The following CCDC117 variants were observed in gnomAD, a reference collection of about 807,000 sequenced individuals.
CCDC117 encodes coiled-coil domain-containing protein 117.
CCDC117 carries 1 observed loss-of-function variant against 23.5 expected under a neutral mutation model. That is an observed-to-expected ratio of 0.04 (90% CI 0.02 to 0.20). The LOEUF (loss-of-function observed/expected upper bound fraction) is 0.20. CCDC117 is among the 10% of genes least tolerant of loss of function. The pLI is 1.00. For missense variants in CCDC117, 383 were observed against 348.2 expected (o/e 1.10, Z -0.80); for synonymous variants, 132 against 124.8 (o/e 1.06, Z -0.39).
intron 3 of CCDC117, among the ~76,000 whole-genome samples, 176 bp downstream of exon 3, chr22:28,781,348 T>TTTTG (rs2031324296): frequency 1.1e-4 from 1 of 9,028 alleles, no homozygotes; most frequent in Non-Finnish European, 1.6e-4. Context: ...TTTTTTTTTT[T>TTTTG]TTTTTTTTTT....
intron 2 of CCDC117, among the ~76,000 whole-genome samples, chr22:28,776,615 G>A (rs1243628063): frequency 1.4e-5 from 2 of 145,810 alleles, no homozygotes; most frequent in African/African-American, 2.6e-5. Flanking sequence ...ACGGAGTTTC[G>A]CTCTTGTTGC....
intron 4 of CCDC117, among the ~76,000 whole-genome samples, chr22:28,784,040 C>T (rs749598346): frequency 1.3e-5 from 2 of 152,172 alleles, no homozygotes; most frequent in Non-Finnish European, 2.9e-5. Context: ...TAAAGTGGCC[C>T]AACAGTGAAA....
intron 4 of CCDC117, among the ~76,000 whole-genome samples, chr22:28,784,595 T>C (rs2031455644): frequency 6.6e-6 from 1 of 152,200 alleles, no homozygotes; most frequent in African/African-American, 2.4e-5. Flanking sequence ...TATTTGGTCT[T>C]TGATCACAGA....
chr22:28,773,649 G>A lies in CCDC117; in HGVS notation c.186-76G>A, dbSNP rs2031065720. The A allele has an allele frequency of 2.5e-6, 3 of 1,211,556 alleles. 1 individual carries two copies. Among genetic ancestry groups the A allele is most frequent in the Non-Finnish European group, 3.6e-6 (3 of 823,922 alleles). The allele number at this position is 1,211,556 out of a possible 1,614,324, so 75.1% of individuals were successfully genotyped here. A position where few individuals can be genotyped will look rare whatever the true frequency, so the allele number is the denominator to read the frequency against. Reference sequence around the variant, plus strand: ...GTATGTGGGGATGAGCAAGATTATTGGAGCAAGAAAGAGGATACTGAAACC... The same window carrying A: ...GTATGTGGGGATGAGCAAGATTATTAGAGCAAGAAAGAGGATACTGAAACC... On this transcript the variant is annotated intron_variant, in intron 1 of 4. Transcript: ENST00000249064.
chr22:28,783,723 C>A, intron 4 of CCDC117, 78 bp downstream of exon 4: 2 of 1,348,540 alleles, frequency 1.5e-6, no homozygotes, highest in Non-Finnish European at 2.1e-6. Flanking sequence ...CCCACCCTGT[C>A]CTCATTAGCT....
intron 2 of CCDC117, among the ~76,000 whole-genome samples, chr22:28,774,322 C>G (rs1275074310): frequency 6.6e-6 from 1 of 151,254 alleles, no homozygotes; most frequent in Non-Finnish European, 1.5e-5. Flanking sequence ...CCGCCTCAGC[C>G]TCCCAAAGTG....
intron 2 of CCDC117, among the ~76,000 whole-genome samples, chr22:28,780,698 T>C (rs1222371086): frequency 2.6e-5 from 4 of 152,184 alleles, no homozygotes; most frequent in Admixed American, 6.5e-5. Flanking sequence ...AGGTCCCACA[T>C]TGAACACTTA....
chr22:28,778,806 C>T (rs1311838100), intron 2 of CCDC117, among the ~76,000 whole-genome samples: 2 of 152,102 alleles, frequency 1.3e-5, no homozygotes, highest in Admixed American at 1.3e-4. Flanking sequence ...TGCCCAGAAG[C>T]GTGCTATCAT....
intron 4 of CCDC117, among the ~76,000 whole-genome samples, chr22:28,785,211 CAG>C (rs1418279370): frequency 1.4e-5 from 2 of 138,190 alleles, no homozygotes; most frequent in African/African-American, 5.8e-5. Flanking sequence ...TGTTTTGAGA[CAG>C]GGTCTCACTC....
intron 4 of CCDC117, 88 bp downstream of exon 4, chr22:28,783,733 T>G: frequency 1.6e-6 from 2 of 1,232,958 alleles, no homozygotes; most frequent in Non-Finnish European, 2.3e-6. Flanking sequence ...CCTCATTAGC[T>G]CTTTTTATCT....
chr22:28,785,924 TAAAAAAA>T (rs35631283), intron 4 of CCDC117, among the ~76,000 whole-genome samples, 158 bp from the exon 5 acceptor site: 1 of 136,044 alleles, frequency 7.4e-6, no homozygotes, highest in African/African-American at 2.8e-5. Context: ...CCCCATCTCT[TAAAAAAA>T]AAAAAAAAAA....
intron 3 of CCDC117, 76 bp from the exon 4 acceptor site, chr22:28,783,432 A>C: frequency 7.0e-7 from 1 of 1,432,348 alleles, no homozygotes; most frequent in South Asian, 1.3e-5. Flanking sequence ...TATTTTTAAA[A>C]TTTTGTCCAA....
chr22:28,779,418 C>T (rs1386287947), intron 2 of CCDC117, among the ~76,000 whole-genome samples: 1 of 151,598 alleles, frequency 6.6e-6, no homozygotes, highest in Admixed American at 6.6e-5. Flanking sequence ...GTTGGCCAGG[C>T]TCATCTCAAA....
chr22:28,779,514 C>A (rs530010770), intron 2 of CCDC117, among the ~76,000 whole-genome samples: 3 of 152,034 alleles, frequency 2.0e-5, no homozygotes, highest in African/African-American at 7.2e-5. Context: ...CCTAAAATAT[C>A]CCATATTTTA....
intron 2 of CCDC117, among the ~76,000 whole-genome samples, chr22:28,776,576 A>G (rs928633447): frequency 2.0e-5 from 3 of 146,974 alleles, no homozygotes; most frequent in Non-Finnish European, 3.0e-5. Flanking sequence ...GCGTGCCACC[A>G]TGCCCAGCTA....
At chr22:28,783,734 C>G (rs2031427427) in intron 4 of CCDC117, 89 bp downstream of exon 4, 11 of 1,233,916 alleles carry the variant, frequency 8.9e-6, no homozygotes, top group Non-Finnish European at 1.3e-5. Flanking sequence ...CTCATTAGCT[C>G]TTTTTATCTC....
At position 28,781,140 on chromosome 22, in the gene CCDC117, T is replaced by A; in HGVS notation, c.432T>A (p.Val144=). 6 of 1,613,830 alleles carry A rather than the reference T, an allele frequency of 3.7e-6. No individual in the cohort carries two copies. Among genetic ancestry groups the A allele is most frequent in the Non-Finnish European group, 3.4e-6 (4 of 1,179,916 alleles). The stretch of plus-strand genomic sequence containing the variant: ...CAACTGGAGAACCACAGTGTGAAGT[T>A]GCCCGAAGGAAGCTTCAGGAGATTG... ...DQTTGEPQCE[V]ARRKLQEIED... The change falls in exon 3 of 5, where the codon GTT becomes GTA. Residue 144 remains valine, a synonymous_variant. Coordinates refer to ENST00000249064, the MANE Select transcript of CCDC117 (RefSeq NM_173510.4).
At chr22:28,784,597 G>C (rs1601428805) in intron 4 of CCDC117, among the ~76,000 whole-genome samples, 1 of 152,160 alleles carries the variant, frequency 6.6e-6, no homozygotes, top group Non-Finnish European at 1.5e-5. Flanking sequence ...TTTGGTCTTT[G>C]ATCACAGAGG....
rs2031066490 is a variant in CCDC117, at chr22:28,773,666, A to ATTT, written c.186-59_186-58insTTT. The ATTT allele has an allele frequency of 2.2e-6, 3 of 1,385,220 alleles. No homozygotes were observed. The Admixed American group carries it at 5.2e-5, about 24-fold the overall frequency. The allele number at this position is 1,385,220 out of a possible 1,614,324, so 85.8% of individuals were successfully genotyped here. A position where few individuals can be genotyped will look rare whatever the true frequency, so the allele number is the denominator to read the frequency against. ...AGATTATTGGAGCAAGAAAGAGGAT[A>ATTT]CTGAAACCACAAGCTCGAGTACATT... On this transcript the variant is annotated intron_variant, in intron 1 of 4. Transcript: ENST00000249064.
Sources: allele counts gnomAD v4.1 joint callset (sites outside exome capture counted in the v4.1 genomes callset), GRCh38; gene constraint gnomAD v4.1.1; transcripts MANE v1.5; gene names NCBI Gene and HGNC (gene_info 2026-07-23, HGNC 2026-07-21).